The following ANKRD11 variants were observed in gnomAD, a reference collection of about 807,000 sequenced individuals.
The protein encoded by ANKRD11 is ankyrin repeat domain-containing protein 11.
Under a neutral mutation model 195.7 loss-of-function variants are expected in ANKRD11, and 17 were observed. The observed-to-expected ratio is 0.09, with a 90% CI of 0.06 to 0.13. The LOEUF is 0.13. ANKRD11 is among the 10% of genes least tolerant of loss of function. The pLI, the probability that ANKRD11 is intolerant of heterozygous loss-of-function variation, is 1.00. For missense variants in ANKRD11, 3,735 were observed against 3,566.1 expected (o/e 1.05, Z -1.21); for synonymous variants, 1,953 against 1,528.1 (o/e 1.28, Z -6.49).
intron 1 of ANKRD11, chr16:89,488,974 T>C (rs2057712382): frequency 6.6e-6 from 1 of 152,168 alleles, no homozygotes; most frequent in African/African-American, 2.4e-5. Context: ...AGGGAGCTGT[T>C]AGACCAGCTT....
At chr16:89,427,630 C>G (rs1197959438) in intron 1 of ANKRD11, among the ~76,000 whole-genome samples, 1 of 151,928 alleles carries the variant, frequency 6.6e-6, no homozygotes, top group Non-Finnish European at 1.5e-5. Context: ...AACCCCATCT[C>G]TACAATAAAT....
chr16:89,418,786 C>CAA (rs1377162993), intron 1 of ANKRD11, among the ~76,000 whole-genome samples: 2 of 147,652 alleles, frequency 1.4e-5, no homozygotes, highest in Admixed American at 6.8e-5. Context: ...TTTTTGGAGA[C>CAA]AGAGTTTCAC....
chr16:89,408,932 T>C (rs1338792553), intron 2 of ANKRD11, among the ~76,000 whole-genome samples: 1 of 152,136 alleles, frequency 6.6e-6, no homozygotes, highest in African/African-American at 2.4e-5. Context: ...GAAATACAAG[T>C]GAACAGGCCG....
intron 3 of ANKRD11, among the ~76,000 whole-genome samples, chr16:89,310,913 G>T (rs1344804832): frequency 1.3e-5 from 2 of 152,176 alleles, no homozygotes; most frequent in Non-Finnish European, 2.9e-5. Context: ...GTGCTGCCTG[G>T]AGTCTGCAGG....
At chr16:89,483,059 G>A (rs772627935) in intron 1 of ANKRD11, among the ~76,000 whole-genome samples, 6 of 152,142 alleles carry the variant, frequency 3.9e-5, no homozygotes, top group Admixed American at 6.5e-5. Flanking sequence ...AAACCAACAC[G>A]GGCAGCACTG....
intron 2 of ANKRD11, among the ~76,000 whole-genome samples, chr16:89,387,545 C>T (rs1301730198): frequency 6.6e-6 from 1 of 150,882 alleles, no homozygotes; most frequent in African/African-American, 2.4e-5. Flanking sequence ...TGGTGGCGGG[C>T]GCCTGTACTC....
At chr16:89,334,111 C>T (rs1312067909) in intron 2 of ANKRD11, among the ~76,000 whole-genome samples, 9 of 135,332 alleles carry the variant, frequency 6.7e-5, no homozygotes, top group Admixed American at 4.9e-4. Context: ...CAGTTCAAGA[C>T]CAGCCTGGGT....
intron 1 of ANKRD11, among the ~76,000 whole-genome samples, chr16:89,428,389 G>C (rs957099150): frequency 1.8e-4 from 28 of 151,898 alleles, no homozygotes; most frequent in Non-Finnish European, 1.8e-4. Flanking sequence ...AGCCAAGCGT[G>C]GTGGCGGGCG....
chr16:89,398,031 T>C (rs1479982914), intron 2 of ANKRD11, among the ~76,000 whole-genome samples: 1 of 152,244 alleles, frequency 6.6e-6, no homozygotes, highest in African/African-American at 2.4e-5. Flanking sequence ...GCACTGTCTA[T>C]GTGAATAAAA....
intron 9 of ANKRD11, 133 bp downstream of exon 9, chr16:89,278,939 C>T (rs766079225): frequency 3.6e-6 from 5 of 1,403,792 alleles, no homozygotes; most frequent in African/African-American, 1.4e-5. Context: ...GGCTGTGTCT[C>T]CTCAGGTGGC....
intron 2 of ANKRD11, among the ~76,000 whole-genome samples, chr16:89,354,222 T>C (rs2039359476): frequency 1.6e-5 from 2 of 128,894 alleles, no homozygotes; most frequent in Admixed American, 1.7e-4. Context: ...TACATATATA[T>C]AACTAAATTT....
intron 2 of ANKRD11, among the ~76,000 whole-genome samples, chr16:89,384,915 C>T (rs1273711514): frequency 2.5e-4 from 12 of 48,324 alleles, no homozygotes; most frequent in South Asian, 1.6e-3. Flanking sequence ...TTTGAGACTA[C>T]GTTTCTGTCG....
At chr16:89,355,559 G>C (rs191923467) in intron 2 of ANKRD11, among the ~76,000 whole-genome samples, 3 of 152,280 alleles carry the variant, frequency 2.0e-5, no homozygotes, top group African/African-American at 7.2e-5. Context: ...TCTTCCAGCA[G>C]GGACGGCCCC....
chr16:89,387,667 C>T (rs1281348820), intron 2 of ANKRD11, among the ~76,000 whole-genome samples: 2 of 127,080 alleles, frequency 1.6e-5, no homozygotes, highest in Non-Finnish European at 3.2e-5. Context: ...AGCGAGACTC[C>T]ATCTCAAAAA....
intron 2 of ANKRD11, chr16:89,323,229 A>AC: frequency 8.7e-7 from 1 of 1,145,652 alleles, no homozygotes; most frequent in Admixed American, 2.3e-5. Context: ...GGAGGAAAAA[A>AC]GAAAAAAGGA....
intron 2 of ANKRD11, among the ~76,000 whole-genome samples, chr16:89,356,615 CA>C (rs1215696016): frequency 0.017 from 1,973 of 113,264 alleles, 35 homozygotes; most frequent in African/African-American, 0.047. Context: ...ACTAAAAATA[CA>C]AAAAAAAAAA....
At chr16:89,337,882 T>C (rs940584971) in intron 2 of ANKRD11, among the ~76,000 whole-genome samples, 1 of 152,202 alleles carries the variant, frequency 6.6e-6, no homozygotes, top group African/African-American at 2.4e-5. Context: ...GTCTTCAGTC[T>C]ACTGTGTGTG....
intron 1 of ANKRD11, among the ~76,000 whole-genome samples, chr16:89,462,718 G>A (rs1166723618): frequency 4.7e-5 from 7 of 150,156 alleles, no homozygotes; most frequent in Non-Finnish European, 7.4e-5. Context: ...CCTCTGCCCC[G>A]CCGCCCCGTC....
At chr16:89,423,568 T>C (rs2042598973) in intron 1 of ANKRD11, among the ~76,000 whole-genome samples, 1 of 152,238 alleles carries the variant, frequency 6.6e-6, no homozygotes, top group African/African-American at 2.4e-5. Context: ...AGAGTTAACC[T>C]GAAAGCACAA....
Sources: gnomAD v4.1 joint callset for allele counts (sites outside exome capture counted in the v4.1 genomes callset) on GRCh38, gnomAD v4.1.1 for gene constraint, MANE v1.5 for transcripts, NCBI Gene and HGNC (gene_info 2026-07-23, HGNC 2026-07-21) for gene names.